Variants in TJP1 observed in about 807,000 individuals in gnomAD.
TJP1 encodes tight junction protein 1, also known as tight junction protein ZO-1.
A neutral mutation model predicts 194.2 loss-of-function variants in TJP1; 43 were observed. The ratio of observed to expected loss-of-function variants is 0.22; its 90% CI spans 0.17 to 0.29. The LOEUF (loss-of-function observed/expected upper bound fraction) is 0.29. TJP1 is among the 10% of genes least tolerant of loss of function. The probability of loss-of-function intolerance (pLI) is 1.00; values close to 1 mark genes in which losing one functional copy is unlikely to be tolerated. For missense variants in TJP1, 1,971 were observed against 2,185.7 expected (o/e 0.90, Z 1.96); for synonymous variants, 801 against 779.0 (o/e 1.03, Z -0.47).
At position 29,718,370 on chromosome 15, in the gene TJP1, C is replaced by G. The variant is rs777301854; in HGVS notation, c.3772G>C (p.Ala1258Pro). Reference sequence around the variant, plus strand: ...GTGAGTACAGACTGTGGCTTCATTGCTGGATCTTCCTCTTCTTCGGTTTGA... The same window carrying G: ...GTGAGTACAGACTGTGGCTTCATTGGTGGATCTTCCTCTTCTTCGGTTTGA... ...PTQTEEEEDP[A>P]MKPQSVLTRV... The change falls in exon 21 of 28, where the codon GCA (alanine) becomes CCA (proline). Residue 1258 changes from alanine to proline, a missense_variant. Transcript: ENST00000614355. The G allele has an allele frequency of 1.2e-6, 2 of 1,614,104 alleles. No homozygotes were observed. Among genetic ancestry groups the G allele is most frequent in the South Asian group, 2.2e-5 (2 of 91,084 alleles).
At chr15:29,783,773 A>C (rs928142237) in intron 2 of TJP1, among the ~76,000 whole-genome samples, 4 of 152,228 alleles carry the variant, frequency 2.6e-5, no homozygotes, top group Non-Finnish European at 5.9e-5. Flanking sequence ...ACACATGGAC[A>C]CAGAGGCAAC....
chr15:29,736,048 AT>A (rs1332213124), intron 11 of TJP1, among the ~76,000 whole-genome samples: 1 of 152,226 alleles, frequency 6.6e-6, no homozygotes, highest in African/African-American at 2.4e-5. Context: ...GAATAAAAAA[AT>A]GTACCAGAAT....
rs548914203 is a variant in TJP1 at position 29,836,446 on chromosome 15, G to T, written c.307-35744C>A. Among the ~76,000 whole-genome samples the T allele has an allele frequency of 7.2e-4, 110 of 151,978 alleles. 1 individual carries two copies. Among genetic ancestry groups the T allele is most frequent in the African/African-American group, 2.5e-3 (102 of 41,432 alleles). ...CGCCACCACGCCTGGCTAATTTTTT[G>T]TATTTTAGTAGAGACGGGGTTTCAC... On this transcript the variant is annotated intron_variant, in intron 2 of 28. Transcript: ENST00000356107.
intron 8 of TJP1, among the ~76,000 whole-genome samples, chr15:29,756,983 T>C (rs1360986265): frequency 6.6e-6 from 1 of 152,226 alleles, no homozygotes; most frequent in Admixed American, 6.5e-5. Flanking sequence ...ATCACCATAA[T>C]AATTACAGTA....
chr15:29,906,222 C>G (rs563209719), intron 2 of TJP1, among the ~76,000 whole-genome samples: 2 of 152,006 alleles, frequency 1.3e-5, no homozygotes, highest in Non-Finnish European at 1.5e-5. Flanking sequence ...CCTATAATCC[C>G]AGCACTTTGG....
At chr15:29,771,036 T>A (rs2046636831) in intron 4 of TJP1, among the ~76,000 whole-genome samples, 1 of 152,182 alleles carries the variant, frequency 6.6e-6, no homozygotes, top group East Asian at 1.9e-4. Flanking sequence ...CCATTCATAG[T>A]AAGTGCACTA....
intron 2 of TJP1, among the ~76,000 whole-genome samples, chr15:29,782,698 A>G (rs2047438357): frequency 1.3e-5 from 2 of 152,180 alleles, no homozygotes; most frequent in Admixed American, 1.3e-4. Context: ...GACAAATGGA[A>G]TCTAATTAAA....
intron 2 of TJP1, among the ~76,000 whole-genome samples, chr15:29,895,433 A>C (rs1316647233): frequency 6.6e-6 from 1 of 152,080 alleles, no homozygotes; most frequent in Non-Finnish European, 1.5e-5. Flanking sequence ...CCCAAACACA[A>C]CTTAGTTAAG....
At chr15:29,750,523 C>G (rs985929490) in intron 8 of TJP1, among the ~76,000 whole-genome samples, 3 of 152,180 alleles carry the variant, frequency 2.0e-5, no homozygotes, top group African/African-American at 7.2e-5. Context: ...AATTTCTTTA[C>G]ATTCAACTTT....
intron 23 of TJP1, among the ~76,000 whole-genome samples, chr15:29,713,381 T>A (rs987713776): frequency 6.6e-6 from 1 of 152,218 alleles, no homozygotes; most frequent in Non-Finnish European, 1.5e-5. Context: ...CCAGTTCTAA[T>A]CCAGCTCTAT....
intron 1 of TJP1, chr15:29,820,810 T>C: frequency 3.9e-6 from 2 of 512,920 alleles, no homozygotes; most frequent in Non-Finnish European, 6.9e-6. Context: ...GGTCAAAAGG[T>C]GCAAGTTAAA....
At chr15:29,704,120 C>T in intron 27 of TJP1, 42 bp downstream of exon 27, 3 of 1,538,534 alleles carry the variant, frequency 1.9e-6, no homozygotes, top group Non-Finnish European at 2.6e-6. Flanking sequence ...TAATCAACGA[C>T]AGTCCCCAAA....
At chr15:29,949,858 A>C (rs868649179) in intron 2 of TJP1, among the ~76,000 whole-genome samples, 483 of 7,232 alleles carry the variant, frequency 0.067, 3 homozygotes, top group Middle Eastern at 0.17. Flanking sequence ...CCACCTCCAC[A>C]ACCACCACCT....
intron 2 of TJP1, among the ~76,000 whole-genome samples, chr15:29,828,499 T>C (rs377238386): frequency 2.0e-5 from 3 of 151,696 alleles, no homozygotes; most frequent in African/African-American, 7.2e-5. Flanking sequence ...TATGCTTACT[T>C]AAAAAAAAAT....
chr15:29,834,224 G>C (rs1040348954), intron 2 of TJP1, among the ~76,000 whole-genome samples: 1 of 145,944 alleles, frequency 6.9e-6, no homozygotes, highest in Non-Finnish European at 1.5e-5. Flanking sequence ...GAGTAAATAG[G>C]GATTTTTTTT....
In TJP1 at chr15:29,772,170, A is replaced by AG; in HGVS notation, c.210-5dup. The AG allele has an allele frequency of 6.5e-7, 1 of 1,549,136 alleles. No homozygotes were observed. Among genetic ancestry groups the AG allele is most frequent in the South Asian group, 1.2e-5 (1 of 85,330 alleles). ...CATTGCAACTCGGTCATTTTCCCTAAGGGGAAAAGGGCACAAAATAATATG... is the reference window on the plus strand; with the variant it reads ...CATTGCAACTCGGTCATTTTCCCTAAGGGGGAAAAGGGCACAAAATAATATG... On this transcript the variant is annotated splice_polypyrimidine_tract_variant and splice_region_variant and intron_variant, in intron 3 of 27. Transcript: ENST00000614355.
chr15:29,820,348 T>C (rs1237518580), intron 1 of TJP1, among the ~76,000 whole-genome samples: 1 of 152,138 alleles, frequency 6.6e-6, no homozygotes. Flanking sequence ...TTTTGCTCTA[T>C]ATAAAATTCT....
chr15:29,822,039 T>C lies in TJP1; in HGVS notation c.-11A>G. 7.6e-7 allele frequency: 1 copy of C among 1,324,042 alleles called. No homozygotes were observed. 82.0% of individuals were successfully genotyped at this position (1,324,042 alleles called of 1,614,324 possible). A position where few individuals can be genotyped will look rare whatever the true frequency, so the allele number is the denominator to read the frequency against. ...AGCTCTGGCGGACATCTTGTCTCTC[T>C]CCAGCGCCGCGCGAGGCTCCTCGGA... On this transcript the variant is annotated 5_prime_UTR_variant, in exon 1 of 28. Coordinates refer to ENST00000614355, the MANE Select transcript of TJP1 (RefSeq NM_001330239.4).
upstream of TJP1, among the ~76,000 whole-genome samples, chr15:29,824,867 T>G (rs1393299592): frequency 6.6e-6 from 1 of 152,204 alleles, no homozygotes; most frequent in Non-Finnish European, 1.5e-5. Context: ...TAATTAAAAA[T>G]AGTTATATAT....
Sources: gnomAD v4.1 joint callset for allele counts (sites outside exome capture counted in the v4.1 genomes callset) on GRCh38, gnomAD v4.1.1 for gene constraint, MANE v1.5 for transcripts, NCBI Gene and HGNC (gene_info 2026-07-23, HGNC 2026-07-21) for gene names.